Variants in CFAP20DC observed in about 807,000 individuals in gnomAD.
CFAP20DC encodes the protein CFAP20 domain containing.
A neutral mutation model predicts 101.7 loss-of-function variants in CFAP20DC; 84 were observed. The ratio of observed to expected loss-of-function variants is 0.83; its 90% CI spans 0.69 to 0.99. The LOEUF (loss-of-function observed/expected upper bound fraction) is 0.99. Ranked by LOEUF, CFAP20DC falls within the 50% of genes least tolerant of loss-of-function variation. CFAP20DC has a pLI of 0.00. For synonymous variants in CFAP20DC, 359 were observed against 351.2 expected (o/e 1.02, Z -0.25); for missense variants, 1,007 against 970.3 (o/e 1.04, Z -0.50).
chr3:58,754,926 C>A (rs2068828164), intron 15 of CFAP20DC, among the ~76,000 whole-genome samples: 1 of 152,086 alleles, frequency 6.6e-6, no homozygotes, highest in Admixed American at 6.6e-5. Context: ...AATATGGGTA[C>A]AGAATTAGCA....
chr3:58,765,006 A>G (rs531808850), intron 15 of CFAP20DC, among the ~76,000 whole-genome samples: 2 of 152,358 alleles, frequency 1.3e-5, no homozygotes, highest in South Asian at 2.1e-4. Flanking sequence ...GTGAATTTTT[A>G]TAATGAACAG....
chr3:58,810,924 A>C (rs2074568233), intron 14 of CFAP20DC, among the ~76,000 whole-genome samples: 1 of 152,012 alleles, frequency 6.6e-6, no homozygotes. Flanking sequence ...GCAAACAGAG[A>C]GCCAAATCAT....
intron 6 of CFAP20DC, among the ~76,000 whole-genome samples, chr3:58,887,890 T>C (rs983965358): frequency 1.3e-5 from 2 of 152,218 alleles, no homozygotes; most frequent in Non-Finnish European, 2.9e-5. Flanking sequence ...ATTAAGCCCA[T>C]CTAGAACTAC....
chr3:58,842,608 G>C (rs926228920), intron 13 of CFAP20DC, among the ~76,000 whole-genome samples: 1 of 152,234 alleles, frequency 6.6e-6, no homozygotes, highest in African/African-American at 2.4e-5. Flanking sequence ...CCATTGCCCA[G>C]GCTTGATTAG....
intron 14 of CFAP20DC, among the ~76,000 whole-genome samples, chr3:58,810,350 C>T (rs577650309): frequency 5.9e-5 from 9 of 152,248 alleles, no homozygotes; most frequent in Non-Finnish European, 1.3e-4. Context: ...AAAAGCTTAT[C>T]CACCATGATC....
intron 14 of CFAP20DC, among the ~76,000 whole-genome samples, chr3:58,812,918 A>G (rs1288841912): frequency 6.6e-6 from 1 of 151,882 alleles, no homozygotes; most frequent in Non-Finnish European, 1.5e-5. Context: ...ACATTGGTTG[A>G]TATTTTCAGA....
intron 15 of CFAP20DC, among the ~76,000 whole-genome samples, chr3:58,780,959 A>G (rs1189239915): frequency 1.3e-5 from 2 of 152,030 alleles, no homozygotes; most frequent in Non-Finnish European, 2.9e-5. Flanking sequence ...TTTAAAGAAC[A>G]TTTCATTCAA....
chr3:58,792,572 C>G (rs2072943183), intron 15 of CFAP20DC, among the ~76,000 whole-genome samples: 1 of 151,802 alleles, frequency 6.6e-6, no homozygotes, highest in Admixed American at 6.6e-5. Context: ...AAATATAAAC[C>G]TCTTAAAAAC....
At chr3:59,047,887 G>C (rs750252361) in intron 1 of CFAP20DC, among the ~76,000 whole-genome samples, 1 of 152,156 alleles carries the variant, frequency 6.6e-6, no homozygotes, top group Non-Finnish European at 1.5e-5. Context: ...AAACAGTTTA[G>C]TACTGGTCAA....
At chr3:58,996,785 C>A (rs938875967) in intron 4 of CFAP20DC, among the ~76,000 whole-genome samples, 1 of 152,358 alleles carries the variant, frequency 6.6e-6, no homozygotes, top group South Asian at 2.1e-4. Flanking sequence ...TTCCTTATCT[C>A]ACTGTAATGG....
Position 58,840,111 on chromosome 3 carries a change from T to C in CFAP20DC, c.1972-8222A>G, listed in dbSNP as rs544389638. Among the ~76,000 whole-genome samples the C allele has an allele frequency of 2.0e-5, 3 of 152,320 alleles. No homozygotes were observed. In the East Asian group the frequency reaches 5.8e-4, roughly 29 times the overall value. ...ATTTCTATGCCTAATTCAAATACTTTTACTGGCAGTGGAAATGTTATTTAA... is the reference window on the plus strand; with the variant it reads ...ATTTCTATGCCTAATTCAAATACTTCTACTGGCAGTGGAAATGTTATTTAA... On this transcript the variant is annotated intron_variant, in intron 13 of 16. Transcript: ENST00000482387.
intron 15 of CFAP20DC, among the ~76,000 whole-genome samples, chr3:58,781,659 A>C: frequency 6.6e-6 from 1 of 152,016 alleles, no homozygotes; most frequent in Non-Finnish European, 1.5e-5. Flanking sequence ...ATGAACAACT[A>C]TACAATAACA....
chr3:59,038,474 C>G (rs967321603), intron 4 of CFAP20DC, among the ~76,000 whole-genome samples: 1 of 152,118 alleles, frequency 6.6e-6, no homozygotes, highest in South Asian at 2.1e-4. Context: ...TTTTACTGAG[C>G]TTTGCTTTAT....
intron 4 of CFAP20DC, among the ~76,000 whole-genome samples, chr3:58,985,551 T>C (rs1044276914): frequency 1.3e-5 from 2 of 152,178 alleles, no homozygotes; most frequent in Admixed American, 1.3e-4. Flanking sequence ...CCATCTATCA[T>C]CACTTCTCCA....
In CFAP20DC at chr3:58,839,171, G is replaced by A. The variant is rs1290028047; in HGVS notation, c.1972-7282C>T. 3.8e-4 allele frequency among the ~76,000 whole-genome samples: 58 copies of A among 152,336 alleles called. 1 individual carries two copies. The highest frequency in any genetic ancestry group is 3.8e-3 in the Admixed American group (58 of 15,302). ...TGTGTGCTTTTGCACATTAAAATACGTTAAAGCATAAAGTGGCAAGAGAAG... is the reference window on the plus strand; with the variant it reads ...TGTGTGCTTTTGCACATTAAAATACATTAAAGCATAAAGTGGCAAGAGAAG... On this transcript the variant is annotated intron_variant, in intron 13 of 16. Coordinates refer to ENST00000482387, the MANE Select transcript of CFAP20DC (RefSeq NM_001394063.1).
chr3:58,775,574 C>G (rs1194012619), intron 15 of CFAP20DC, among the ~76,000 whole-genome samples: 2 of 151,960 alleles, frequency 1.3e-5, no homozygotes, highest in Non-Finnish European at 2.9e-5. Flanking sequence ...TTCATATTCA[C>G]ATATGTTTTC....
chr3:58,867,886 C>G lies in CFAP20DC; in HGVS notation c.1066G>C (p.Asp356His), dbSNP rs1220957128. 1 of 1,613,486 alleles carries G rather than the reference C, an allele frequency of 6.2e-7. No homozygotes were observed. The highest frequency in any genetic ancestry group is 2.2e-5 in the East Asian group (1 of 44,844). Residue 356 changes from aspartate to histidine, a missense_variant, in exon 10 of 17, where the codon GAT becomes CAT. By Grantham distance (81) the Asp-to-His change is moderately conservative. Transcript: ENST00000482387. ...HPHPPQEPSA[D>H]KNNNRRRLRL... ...AATCTTCTTCTGTTATTATTCTTAT[C>G]TGCTGATGGTTCTTGAGGGGGATGC...
rs2082315158 is a variant in CFAP20DC at position 58,892,236 on chromosome 3, A to G, written c.551-7527T>C. Among the ~76,000 whole-genome samples the G allele has an allele frequency of 6.6e-6, 1 of 152,086 alleles. No individual in the cohort carries two copies. Among genetic ancestry groups the G allele is most frequent in the Admixed American group, 6.5e-5 (1 of 15,274 alleles). On this transcript the variant is annotated intron_variant, in intron 6 of 16. Transcript: ENST00000482387. The surrounding 1 kb of genome is among the most constrained non-coding windows in gnomAD (Gnocchi z 4.0). ...TACCATGCTCTTTTGGTTACTGTAGACTTGTAGTATACATTGAAGTTGGAT... is the reference window on the plus strand; with the variant it reads ...TACCATGCTCTTTTGGTTACTGTAGGCTTGTAGTATACATTGAAGTTGGAT...
At position 58,964,701 on chromosome 3, in the gene CFAP20DC, G is replaced by A. The variant is rs963451294; in HGVS notation, c.279-26939C>T. On this transcript the variant is annotated intron_variant, in intron 4 of 16. Transcript: ENST00000482387. The surrounding 1 kb of genome is among the most constrained non-coding windows in gnomAD (Gnocchi z 4.1). ...TTTGGTTTTGTGTGTACATCAAATT[G>A]CACACACATTTTTGTATTATGCATT... Among the ~76,000 whole-genome samples the A allele has an allele frequency of 5.9e-5, 9 of 152,080 alleles. No homozygotes were observed. Among genetic ancestry groups the A allele is most frequent in the African/African-American group, 2.2e-4 (9 of 41,408 alleles).
Sources: gnomAD v4.1 joint callset for allele counts (sites outside exome capture counted in the v4.1 genomes callset) on GRCh38, gnomAD v4.1.1 for gene constraint, Gnocchi (gnomAD v3.1) non-coding constraint, MANE v1.5 for transcripts, NCBI Gene and HGNC (gene_info 2026-07-23, HGNC 2026-07-21) for gene names.